RGS6: variants seen among roughly 807,000 people sequenced by gnomAD.
RGS6 encodes the protein regulator of G protein signaling 6.
A neutral mutation model predicts 78.5 loss-of-function variants in RGS6; 30 were observed. The observed-to-expected ratio is 0.38, with a 90% CI of 0.29 to 0.52. The LOEUF is 0.52. RGS6 is among the 20% of genes least tolerant of loss of function. The pLI, the probability that RGS6 is intolerant of heterozygous loss-of-function variation, is 0.85. For synonymous variants in RGS6, 206 were observed against 206.0 expected (o/e 1.00, Z 0.00); for missense variants, 495 against 609.7 (o/e 0.81, Z 1.98).
chr14:72,382,736 T>C (rs536457093), intron 3 of RGS6, among the ~76,000 whole-genome samples: 1 of 152,338 alleles, frequency 6.6e-6, no homozygotes, highest in Non-Finnish European at 1.5e-5. Context: ...TATAGTCATA[T>C]GGTAGAATTA....
At chr14:72,402,567 C>T (rs1480472797) in intron 3 of RGS6, among the ~76,000 whole-genome samples, 1 of 151,852 alleles carries the variant, frequency 6.6e-6, no homozygotes, top group Non-Finnish European at 1.5e-5. Flanking sequence ...TTATCTCACC[C>T]CAGTTAGAAC....
intron 3 of RGS6, among the ~76,000 whole-genome samples, chr14:72,377,279 A>G (rs2084984234): frequency 6.6e-6 from 1 of 152,244 alleles, no homozygotes; most frequent in South Asian, 2.1e-4. Context: ...ACACACTTCA[A>G]GACAAAAGCT....
At chr14:72,467,152 C>T (rs78155591) in intron 7 of RGS6, among the ~76,000 whole-genome samples, 6,234 of 151,978 alleles carry the variant, frequency 0.041, 249 homozygotes, top group Admixed American at 0.099. Context: ...CTTTTGGTTG[C>T]AAAATTTTTC....
chr14:72,416,451 A>G (rs1639674513), intron 3 of RGS6, among the ~76,000 whole-genome samples: 1 of 152,260 alleles, frequency 6.6e-6, no homozygotes. Flanking sequence ...CAGATTTGTA[A>G]GTTGACTGTA....
chr14:72,488,141 C>G (rs957567314), intron 12 of RGS6, among the ~76,000 whole-genome samples: 3 of 152,194 alleles, frequency 2.0e-5, no homozygotes, highest in Non-Finnish European at 4.4e-5. Context: ...TCTTCTAATA[C>G]AATAAATTTC....
At chr14:72,540,227 A>G in intron 17 of RGS6, 133 bp downstream of exon 17, 2 of 1,524,240 alleles carry the variant, frequency 1.3e-6, no homozygotes, top group African/African-American at 1.4e-5. Flanking sequence ...TTCTCCCTCG[A>G]CTCAGCCCTT....
At chr14:72,588,288 A>G in the RGS6 span, among the ~76,000 whole-genome samples, 1 of 152,064 alleles carries the variant, frequency 6.6e-6, no homozygotes, top group Non-Finnish European at 1.5e-5. Context: ...TTCATTTGTG[A>G]GCATATCTGA....
At chr14:72,041,936 A>G (rs761376505) in intron 2 of RGS6, among the ~76,000 whole-genome samples, 1 of 152,128 alleles carries the variant, frequency 6.6e-6, no homozygotes, top group Non-Finnish European at 1.5e-5. Flanking sequence ...AAGATTCCAT[A>G]TCTGTTTCTA....
chr14:72,181,919 G>C (rs982398390), intron 2 of RGS6, among the ~76,000 whole-genome samples: 1 of 152,144 alleles, frequency 6.6e-6, no homozygotes, highest in Non-Finnish European at 1.5e-5. Flanking sequence ...AGTAATAAAT[G>C]TATGTGCACT....
At chr14:72,274,503 C>G (rs2060392171) in intron 2 of RGS6, among the ~76,000 whole-genome samples, 2 of 152,276 alleles carry the variant, frequency 1.3e-5, no homozygotes, top group African/African-American at 4.8e-5. Flanking sequence ...AGGCCCAAGG[C>G]TGGGCCTCCA....
chr14:72,307,328 T>A (rs1449396732), intron 2 of RGS6, among the ~76,000 whole-genome samples: 1 of 152,212 alleles, frequency 6.6e-6, no homozygotes, highest in East Asian at 1.9e-4. Context: ...TTTATTGTGG[T>A]GGTCTGAAAC....
chr14:72,398,797 A>C (rs2091902785), intron 3 of RGS6, among the ~76,000 whole-genome samples: 1 of 151,882 alleles, frequency 6.6e-6, no homozygotes, highest in Non-Finnish European at 1.5e-5. Context: ...TTCTCCCTTC[A>C]TTTCGTTATG....
intron 2 of RGS6, among the ~76,000 whole-genome samples, chr14:72,336,548 G>A (rs780749498): frequency 2.6e-5 from 4 of 152,158 alleles, no homozygotes; most frequent in Admixed American, 2.6e-4. Flanking sequence ...CGCATAGGGA[G>A]AGGCAGTGGG....
chr14:72,526,730 A>C (rs1255950498), intron 15 of RGS6, among the ~76,000 whole-genome samples: 1 of 149,976 alleles, frequency 6.7e-6, no homozygotes, highest in East Asian at 1.9e-4. Flanking sequence ...TGTTCATCCA[A>C]AGATACATCC....
intron 3 of RGS6, among the ~76,000 whole-genome samples, chr14:72,421,915 T>A (rs1316625121): frequency 1.3e-5 from 2 of 152,194 alleles, no homozygotes; most frequent in East Asian, 1.9e-4. Flanking sequence ...CCTCACAGAA[T>A]CATTCCACAG....
intron 2 of RGS6, among the ~76,000 whole-genome samples, chr14:72,250,251 AG>A (rs2055353582): frequency 6.6e-6 from 1 of 151,984 alleles, no homozygotes; most frequent in Admixed American, 6.5e-5. Flanking sequence ...AAAAAAAAAA[AG>A]TAACTGTGTT....
chr14:71,939,263 C>T (rs2090097234), intron 1 of RGS6, among the ~76,000 whole-genome samples: 1 of 152,088 alleles, frequency 6.6e-6, no homozygotes, highest in African/African-American at 2.4e-5. Flanking sequence ...CTCAACAGGC[C>T]CCACACCACT....
intron 3 of RGS6, among the ~76,000 whole-genome samples, chr14:72,353,242 G>A (rs1219985020): frequency 6.6e-6 from 1 of 152,190 alleles, no homozygotes; most frequent in Non-Finnish European, 1.5e-5. Context: ...AAACTTGTAT[G>A]TAAGGGTTTA....
chr14:72,483,128 A>G (rs1381082565), intron 12 of RGS6, among the ~76,000 whole-genome samples: 4 of 152,160 alleles, frequency 2.6e-5, no homozygotes, highest in African/African-American at 9.7e-5. Context: ...TCTAAGCCTT[A>G]TAGCACTTGA....
Sources: allele counts gnomAD v4.1 joint callset (sites outside exome capture counted in the v4.1 genomes callset), GRCh38; gene constraint gnomAD v4.1.1; transcripts MANE v1.5; gene names NCBI Gene and HGNC (gene_info 2026-07-23, HGNC 2026-07-21).